The following VARS1 variants were observed in gnomAD, a reference collection of about 807,000 sequenced individuals.
VARS1 encodes valyl-tRNA synthetase 1.
VARS1 carries 92 observed loss-of-function variants against 161.0 expected under a neutral mutation model. That is an observed-to-expected ratio of 0.57 (90% CI 0.48 to 0.68). The LOEUF is 0.68. Among genes scored for constraint, VARS1 ranks in the 30% least tolerant of loss-of-function variants. The pLI, the probability that VARS1 is intolerant of heterozygous loss-of-function variation, is 0.00. For missense variants in VARS1, 1,338 were observed against 1,695.9 expected (o/e 0.79, Z 3.71); for synonymous variants, 595 against 682.5 (o/e 0.87, Z 2.00).
Position 31,794,966 on chromosome 6 carries a change from C to T in VARS1, c.252G>A (p.Leu84=), listed in dbSNP as rs200951596. ...CCGCCCGGCTGCCCCCTGGGCCCCC[C>T]AGGCCTGCTGGCCACAGCAGCTGGG... The part of the protein sequence containing the change: ...AVAQLLWPAG[L]GGPGGSRAAV... The change falls in exon 2 of 30, where the codon CTG becomes CTA. Residue 84 remains leucine (L), a synonymous_variant. Coordinates refer to ENST00000375663, the MANE Select transcript of VARS1 (RefSeq NM_006295.3). 120 of 1,612,242 alleles carry T rather than the reference C, an allele frequency of 7.4e-5. No homozygotes were observed. The highest frequency in any genetic ancestry group is 9.8e-5 in the Non-Finnish European group (116 of 1,179,760).
chr6:31,795,002 G>A lies in VARS1; in HGVS notation c.216C>T (p.Ala72=), dbSNP rs767605949. The change falls in exon 2 of 30, where the codon GCC becomes GCT. Residue 72 remains alanine, a synonymous_variant. Coordinates refer to ENST00000375663, the MANE Select transcript of VARS1 (RefSeq NM_006295.3). This position sits in a 1 kb window ranked among gnomAD's most constrained non-coding sequence, Gnocchi z 6.9. ...QGPGGLWVWG[A]TAVAQLLWPA... ...GCCACAGCAGCTGGGCCACAGCCGT[G>A]GCCCCCCACACCCAGAGCCCACCGG... 1 of 1,605,440 alleles carries A rather than the reference G, an allele frequency of 6.2e-7. No homozygotes were observed. Among genetic ancestry groups the A allele is most frequent in the Non-Finnish European group, 8.5e-7 (1 of 1,175,422 alleles).
rs1173760388 is a variant in VARS1, at chr6:31,785,058, T to G, written c.1347+188A>C. ...GCTCCCAGAGCCAAGACAGGGAACA[T>G]GAAGGGCCATGATATGGAAAGGGCC... On this transcript the variant is annotated intron_variant, in intron 10 of 29. Coordinates refer to ENST00000375663, the MANE Select transcript of VARS1 (RefSeq NM_006295.3). The surrounding 1 kb of genome is among the most constrained non-coding windows in gnomAD (Gnocchi z 6.1). Among the ~76,000 whole-genome samples, 1 of 151,952 alleles carries G rather than the reference T, an allele frequency of 6.6e-6. No homozygotes were observed. The highest frequency in any genetic ancestry group is 2.4e-5 in the African/African-American group (1 of 41,376).
chr6:31,781,754 A>G lies in VARS1; in HGVS notation c.2355T>C (p.Asp785=), dbSNP rs1458132366. 1 of 1,612,932 alleles carries G rather than the reference A, an allele frequency of 6.2e-7. No homozygotes were observed. Among genetic ancestry groups the G allele is most frequent in the Non-Finnish European group, 8.5e-7 (1 of 1,180,020 alleles). Residue 785 remains aspartate, a synonymous_variant, in exon 20 of 30, where the codon GAT becomes GAC. Coordinates refer to ENST00000375663, the MANE Select transcript of VARS1 (RefSeq NM_006295.3). The surrounding 1 kb of genome is among the most constrained non-coding windows in gnomAD (Gnocchi z 6.8). ...CAGAGGAGAACCAGGTATCCAATAC[A>G]TCCTCATCTGAGAGAGGCCAAAGGT... ...PDKISLQQDE[D]VLDTWFSSGL... is the part of the protein sequence containing the mutation.
Position 31,785,478 on chromosome 6 carries a change from C to G in VARS1, c.1265+91G>C. On this transcript the variant is annotated intron_variant, in intron 9 of 29. Coordinates refer to ENST00000375663, the MANE Select transcript of VARS1 (RefSeq NM_006295.3). This position sits in a 1 kb window ranked among gnomAD's most constrained non-coding sequence, Gnocchi z 6.1. ...TCTGCCTCTGTGGGAGGGTCTGACCCTGTGGCCAAGGGGTTACAGGTGACA... is the reference window on the plus strand; with the variant it reads ...TCTGCCTCTGTGGGAGGGTCTGACCGTGTGGCCAAGGGGTTACAGGTGACA... 1 of 1,525,810 alleles carries G rather than the reference C, an allele frequency of 6.6e-7. No individual in the cohort carries two copies. The highest frequency in any genetic ancestry group is 8.8e-7 in the Non-Finnish European group (1 of 1,133,058). 94.5% of individuals were successfully genotyped at this position (1,525,810 alleles called of 1,614,324 possible).
In VARS1 at chr6:31,784,534, G is replaced by A; in HGVS notation, c.1468-32C>T. The A allele has an allele frequency of 1.2e-6, 2 of 1,613,744 alleles. No individual in the cohort carries two copies. The highest frequency in any genetic ancestry group is 2.2e-5 in the South Asian group (2 of 91,086). The stretch of plus-strand genomic sequence containing the variant: ...AATGGGTATTTAGAGGCGTGGCCCA[G>A]GGGCCAGGGCCAGGGCCAGGGTAGA... On this transcript the variant is annotated intron_variant, in intron 11 of 29. Coordinates refer to ENST00000375663, the MANE Select transcript of VARS1 (RefSeq NM_006295.3). This position sits in a 1 kb window ranked among gnomAD's most constrained non-coding sequence, Gnocchi z 6.1.
Position 31,784,424 on chromosome 6 carries a change from C to G in VARS1, c.1546G>C (p.Val516Leu), listed in dbSNP as rs748713067. Residue 516 changes from valine to leucine, a missense_variant, in exon 12 of 30, where the codon GTG (valine) becomes CTG (leucine). By Grantham distance (32) the Val-to-Leu change is conservative (BLOSUM62 1). Coordinates refer to ENST00000375663, the MANE Select transcript of VARS1 (RefSeq NM_006295.3). This position sits in a 1 kb window ranked among gnomAD's most constrained non-coding sequence, Gnocchi z 6.1. Reference protein sequence around the residue: ...YKEKVEFGVLVSFAYKVQGSD... With the variant: ...YKEKVEFGVLLSFAYKVQGSD... ...CCTTGGACCTTATAGGCAAAGGACA[C>G]GAGGACCCCGAACTCCACCTTCTCC... 3.1e-6 allele frequency: 5 copies of G among 1,613,996 alleles called. No homozygotes were observed. In the African/African-American group the frequency reaches 4.0e-5, roughly 13 times the overall value.
rs1046699195 is a variant in VARS1, at chr6:31,795,168, C to G, written c.50G>C (p.Arg17Pro). 7 of 1,473,924 alleles carry G rather than the reference C, an allele frequency of 4.7e-6. No homozygotes were observed. Among genetic ancestry groups the G allele is most frequent in the Non-Finnish European group, 6.3e-6 (7 of 1,111,924 alleles). The allele number at this position is 1,473,924 out of a possible 1,614,324, so 91.3% of individuals were successfully genotyped here. Reference protein sequence around the residue: ...SPHPDAFPSLRALIAARYGEA... With the variant: ...SPHPDAFPSLPALIAARYGEA... ...CCCATAGCGAGCGGCTATGAGGGCT[C>G]GGAGGCTGGGGAAGGCATCTGGGTG... is the stretch of plus-strand genomic sequence containing the variant. Residue 17 changes from arginine to proline, a missense_variant, in exon 2 of 30, where the codon CGA becomes CCA. Physicochemically the swap from Arg to Pro is moderately radical, Grantham distance 103 (BLOSUM62 -2). Around this residue, in one of 3 missense-constraint regions of VARS1, gnomAD observed 902 missense variants for 1,090.3 expected, o/e 0.83. Transcript: ENST00000375663. This position sits in a 1 kb window ranked among gnomAD's most constrained non-coding sequence, Gnocchi z 6.9.
chr6:31,794,089 G>A (rs1299992438), intron 2 of VARS1, among the ~76,000 whole-genome samples: 4 of 111,912 alleles, frequency 3.6e-5, no homozygotes, highest in Admixed American at 2.1e-4. Context: ...AGGAGATTCT[G>A]TCTCAAAAAA....
chr6:31,779,833 A>G lies in VARS1; in HGVS notation c.3082-19T>C, dbSNP rs751400569. On this transcript the variant is annotated intron_variant, in intron 26 of 29. Transcript: ENST00000375663. This position sits in a 1 kb window ranked among gnomAD's most constrained non-coding sequence, Gnocchi z 9.1. ...GGCACTCCTAGGGGACGAGAGGTAC[A>G]GGGCTCACGGCTGGAGGTCTAGCCT... The G allele has an allele frequency of 1.2e-6, 2 of 1,612,362 alleles. No homozygotes were observed. The highest frequency in any genetic ancestry group is 1.7e-6 in the Non-Finnish European group (2 of 1,179,638).
intron 13 of VARS1, among the ~76,000 whole-genome samples, chr6:31,783,920 C>CA (rs1813320783): frequency 6.6e-6 from 1 of 152,140 alleles, no homozygotes; most frequent in Admixed American, 6.5e-5. Context: ...CTCAGCCTCC[C>CA]AAAGCGCTGG....
In VARS1 at chr6:31,784,339, C is replaced by T; in HGVS notation, c.1577-31G>A. 1 of 1,614,098 alleles carries T rather than the reference C, an allele frequency of 6.2e-7. No individual in the cohort carries two copies. Among genetic ancestry groups the T allele is most frequent in the Non-Finnish European group, 8.5e-7 (1 of 1,180,028 alleles). On this transcript the variant is annotated intron_variant, in intron 12 of 29. Transcript: ENST00000375663. This position sits in a 1 kb window ranked among gnomAD's most constrained non-coding sequence, Gnocchi z 6.1. The stretch of plus-strand genomic sequence containing the variant: ...GTGACAGAAGGCCTTGTGGTCTTGG[C>T]CTTGGCCCCTTCCTGCCACTCCCAG...
At position 31,781,747 on chromosome 6, in the gene VARS1, C is replaced by A; in HGVS notation, c.2362G>T (p.Asp788Tyr). Reference protein sequence around the residue: ...ISLQQDEDVLDTWFSSGLFPL... With the variant: ...ISLQQDEDVLYTWFSSGLFPL... The stretch of plus-strand genomic sequence containing the variant: ...AAGAGGCCAGAGGAGAACCAGGTAT[C>A]CAATACATCCTCATCTGAGAGAGGC... Residue 788 changes from aspartate to tyrosine, a missense_variant, in exon 20 of 30, where the codon GAT becomes TAT. Physicochemically the swap from Asp to Tyr is radical, Grantham distance 160. Around this residue, in one of 3 missense-constraint regions of VARS1, gnomAD observed 902 missense variants for 1,090.3 expected, o/e 0.83. Coordinates refer to ENST00000375663, the MANE Select transcript of VARS1 (RefSeq NM_006295.3). This position sits in a 1 kb window ranked among gnomAD's most constrained non-coding sequence, Gnocchi z 6.8. The A allele has an allele frequency of 1.2e-6, 2 of 1,613,032 alleles. No homozygotes were observed. The highest frequency in any genetic ancestry group is 1.7e-6 in the Non-Finnish European group (2 of 1,180,008).
chr6:31,780,801 G>A lies in VARS1; in HGVS notation c.2719-18C>T, dbSNP rs767911243. 14 of 1,614,060 alleles carry A rather than the reference G, an allele frequency of 8.7e-6. No individual in the cohort carries two copies. In the East Asian group the frequency reaches 1.1e-4, roughly 13 times the overall value. On this transcript the variant is annotated intron_variant, in intron 23 of 29. Transcript: ENST00000375663. This position sits in a 1 kb window ranked among gnomAD's most constrained non-coding sequence, Gnocchi z 5.1. ...TCAGCTTTCTACAGGGAAGAGGCAG[G>A]GGGAGGAGCGTCCTCAGCCAGCCCC...
chr6:31,778,108 A>C lies in VARS1; in HGVS notation c.3727-446T>G. 5.7e-6 allele frequency: 1 copy of C among 174,704 alleles called. No individual in the cohort carries two copies. Among genetic ancestry groups the C allele is most frequent in the Non-Finnish European group, 1.2e-5 (1 of 81,926 alleles). 10.8% of individuals were successfully genotyped at this position (174,704 alleles called of 1,614,324 possible). A position where few individuals can be genotyped will look rare whatever the true frequency, so the allele number is the denominator to read the frequency against. ...GGTTTTCTCTGTGTCTGTGCAGTTT[A>C]CTCCACTGCTTCTCTCTGGCGGAAC... On this transcript the variant is annotated intron_variant, in intron 29 of 29. Transcript: ENST00000375663. The surrounding 1 kb of genome is among the most constrained non-coding windows in gnomAD (Gnocchi z 5.1).
intron 6 of VARS1, 29 bp downstream of exon 6, chr6:31,792,188 A>C (rs760929246): frequency 6.2e-7 from 1 of 1,608,830 alleles, no homozygotes; most frequent in Non-Finnish European, 8.5e-7. Context: ...GGGGCTGCTG[A>C]GGGGTGAGCC....
In VARS1 at chr6:31,780,413, C is replaced by T; in HGVS notation, c.2925+28G>A. ...AGGGGTACAGCCTGTGTGAGTGCTG[C>T]CAGCTTTGCTGCCCACCAGGCCCTT... On this transcript the variant is annotated intron_variant, in intron 25 of 29. Transcript: ENST00000375663. This position sits in a 1 kb window ranked among gnomAD's most constrained non-coding sequence, Gnocchi z 5.1. The T allele has an allele frequency of 6.2e-7, 1 of 1,603,888 alleles. No homozygotes were observed. Among genetic ancestry groups the T allele is most frequent in the South Asian group, 1.1e-5 (1 of 88,946 alleles).
At position 31,785,241 on chromosome 6, in the gene VARS1, C is replaced by T. The variant is rs1813418346; in HGVS notation, c.1347+5G>A. 5 of 1,613,088 alleles carry T rather than the reference C, an allele frequency of 3.1e-6. No individual in the cohort carries two copies. Among genetic ancestry groups the T allele is most frequent in the Non-Finnish European group, 4.2e-6 (5 of 1,180,022 alleles). ...TGCCCCAGCTTTGACACTCCTCCCA[C>T]GCACAGGGTCCATGGTGAAACAGGC... On this transcript the variant is annotated splice_donor_5th_base_variant and intron_variant, in intron 10 of 29. Coordinates refer to ENST00000375663, the MANE Select transcript of VARS1 (RefSeq NM_006295.3). The surrounding 1 kb of genome is among the most constrained non-coding windows in gnomAD (Gnocchi z 6.1).
chr6:31,780,962 A>G lies in VARS1; in HGVS notation c.2650-24T>C, dbSNP rs1310925100. 6.2e-7 allele frequency: 1 copy of G among 1,613,958 alleles called. No individual in the cohort carries two copies. The highest frequency in any genetic ancestry group is 8.5e-7 in the Non-Finnish European group (1 of 1,180,012). Reference sequence around the variant, plus strand: ...CCCTGAGGGTGGAGTGGGAGCAGTCAGGTGGCTGTGACCACAGCCCCACGG... The same window carrying G: ...CCCTGAGGGTGGAGTGGGAGCAGTCGGGTGGCTGTGACCACAGCCCCACGG... On this transcript the variant is annotated intron_variant, in intron 22 of 29. Coordinates refer to ENST00000375663, the MANE Select transcript of VARS1 (RefSeq NM_006295.3). The surrounding 1 kb of genome is among the most constrained non-coding windows in gnomAD (Gnocchi z 5.1).
At chr6:31,790,602 CAAAAAAAA>C (rs9279419) in intron 8 of VARS1, among the ~76,000 whole-genome samples, 4 of 43,410 alleles carry the variant, frequency 9.2e-5, no homozygotes, top group South Asian at 1.4e-3. Flanking sequence ...AACTCTGTCT[CAAAAAAAA>C]AAAAAAAAAA....
Sources: allele counts gnomAD v4.1 joint callset (sites outside exome capture counted in the v4.1 genomes callset), GRCh38; gene constraint gnomAD v4.1.1; regional missense constraint gnomAD v4.1.1; non-coding constraint Gnocchi (gnomAD v3.1); transcripts MANE v1.5; gene names NCBI Gene and HGNC (gene_info 2026-07-23, HGNC 2026-07-21).